The following ACOT7 variants were observed in gnomAD, a reference collection of about 807,000 sequenced individuals.
ACOT7 encodes the protein acyl-CoA thioesterase 7.
A neutral mutation model predicts 40.2 loss-of-function variants in ACOT7; 12 were observed. The observed-to-expected ratio is 0.30, with a 90% CI of 0.19 to 0.48. ACOT7 has a LOEUF of 0.48. ACOT7 is among the 20% of genes least tolerant of loss of function. The pLI, the probability that ACOT7 is intolerant of heterozygous loss-of-function variation, is 0.99. For missense variants in ACOT7, 395 were observed against 530.8 expected (o/e 0.74, Z 2.51); for synonymous variants, 228 against 219.5 (o/e 1.04, Z -0.34).
At chr1:6,279,072 G>A (rs1452668381) in intron 8 of ACOT7, among the ~76,000 whole-genome samples, 1 of 151,746 alleles carries the variant, frequency 6.6e-6, no homozygotes, top group East Asian at 1.9e-4. Flanking sequence ...GGTCCATGGG[G>A]AGAGACCAGA....
At chr1:6,312,793 C>T (rs182273526) in intron 6 of ACOT7, among the ~76,000 whole-genome samples, 1 of 152,284 alleles carries the variant, frequency 6.6e-6, no homozygotes, top group African/African-American at 2.4e-5. Flanking sequence ...TATTGTGTGC[C>T]TGTATCAAAC....
At chr1:6,304,955 T>C (rs1640087785) in intron 6 of ACOT7, among the ~76,000 whole-genome samples, 1 of 147,738 alleles carries the variant, frequency 6.8e-6, no homozygotes, top group Non-Finnish European at 1.5e-5. Context: ...GGCTCCTCAC[T>C]TCCCAGTAGG....
intron 2 of ACOT7, among the ~76,000 whole-genome samples, chr1:6,345,983 G>C (rs1231738282): frequency 6.6e-6 from 1 of 152,216 alleles, no homozygotes; most frequent in African/African-American, 2.4e-5. Flanking sequence ...GAGAAACCAA[G>C]GGCAGAAGTC....
At chr1:6,308,687 G>A (rs1226340752) in intron 6 of ACOT7, among the ~76,000 whole-genome samples, 1 of 152,164 alleles carries the variant, frequency 6.6e-6, no homozygotes, top group East Asian at 1.9e-4. Context: ...ACCACGACCA[G>A]GCAGAGGGAA....
chr1:6,369,398 C>CTTTTTTTT (rs60404741), intron 1 of ACOT7, among the ~76,000 whole-genome samples: 16 of 100,896 alleles, frequency 1.6e-4, no homozygotes, highest in South Asian at 6.7e-4. Context: ...AAATGCATTT[C>CTTTTTTTT]TTTTTTTTTT....
Position 6,359,870 on chromosome 1 carries a change from T to C in ACOT7, c.144-10004A>G, listed in dbSNP as rs1020436727. ...CCGGCCTCTGGGCAAGTTTCACATG[T>C]TTAGTTGTGAAAGAGAAAGTTAGGG... On this transcript the variant is annotated intron_variant, in intron 1 of 8. Transcript: ENST00000361521. The surrounding 1 kb of genome is among the most constrained non-coding windows in gnomAD (Gnocchi z 4.1). 6.6e-6 allele frequency among the ~76,000 whole-genome samples: 1 copy of C among 152,118 alleles called. No homozygotes were observed. The highest frequency in any genetic ancestry group is 1.5e-5 in the Non-Finnish European group (1 of 68,016).
rs1198970812 is a variant in ACOT7, at chr1:6,275,463, T to G, written c.1014+5639A>C. Reference sequence around the variant, plus strand: ...ATGGCCACAGCTAGGCCAGGCGCGGTAGCTCACGCCTGTAATCCTAGCACT... The same window carrying G: ...ATGGCCACAGCTAGGCCAGGCGCGGGAGCTCACGCCTGTAATCCTAGCACT... On this transcript the variant is annotated intron_variant, in intron 8 of 8. Transcript: ENST00000361521. The surrounding 1 kb of genome is among the most constrained non-coding windows in gnomAD (Gnocchi z 5.6). 1.3e-5 allele frequency among the ~76,000 whole-genome samples: 2 copies of G among 152,128 alleles called. No individual in the cohort carries two copies. Among genetic ancestry groups the G allele is most frequent in the African/African-American group, 4.8e-5 (2 of 41,424 alleles).
chr1:6,389,617 T>TA (rs960529566), intron 1 of ACOT7, among the ~76,000 whole-genome samples: 2 of 151,708 alleles, frequency 1.3e-5, no homozygotes, highest in African/African-American at 4.8e-5. Flanking sequence ...CCATCTCTAC[T>TA]AAAAAAATAC....
chr1:6,271,919 T>C (rs1230937494), intron 8 of ACOT7, among the ~76,000 whole-genome samples: 1 of 152,254 alleles, frequency 6.6e-6, no homozygotes, highest in Admixed American at 6.5e-5. Context: ...AGAAAAGGCA[T>C]TGGGACTTGG....
intron 7 of ACOT7, among the ~76,000 whole-genome samples, chr1:6,281,955 C>A (rs1639370767): frequency 6.6e-6 from 1 of 152,172 alleles, no homozygotes; most frequent in Non-Finnish European, 1.5e-5. Context: ...GGATGCCACA[C>A]CCCTTGGCCA....
intron 6 of ACOT7, among the ~76,000 whole-genome samples, chr1:6,317,904 G>C (rs755691057): frequency 9.2e-5 from 14 of 151,846 alleles, no homozygotes; most frequent in Non-Finnish European, 1.3e-4. Flanking sequence ...GCTAATTTTT[G>C]TATTTCTAGT....
intron 8 of ACOT7, among the ~76,000 whole-genome samples, chr1:6,280,806 C>T (rs936316145): frequency 5.9e-5 from 9 of 152,314 alleles, no homozygotes; most frequent in South Asian, 4.1e-4. Flanking sequence ...CATGCTAAGG[C>T]GCTCTTAAAG....
At chr1:6,377,044 G>A (rs1460746669) in intron 1 of ACOT7, among the ~76,000 whole-genome samples, 1 of 152,106 alleles carries the variant, frequency 6.6e-6, no homozygotes, top group Admixed American at 6.6e-5. Flanking sequence ...ACCACTACAT[G>A]CCTGTCAGAA....
intron 1 of ACOT7, chr1:6,385,739 C>A (rs1049391703): frequency 6.5e-7 from 1 of 1,529,124 alleles, no homozygotes; most frequent in East Asian, 2.4e-5. Flanking sequence ...CTGTGTCTGC[C>A]TGGCCGGCTC....
At position 6,370,812 on chromosome 1, in the gene ACOT7, AT is replaced by A. The variant is rs529638495; in HGVS notation, c.144-20947del. 1.9e-3 allele frequency among the ~76,000 whole-genome samples: 258 copies of A among 139,246 alleles called. 1 individual carries two copies. Among genetic ancestry groups the A allele is most frequent in the African/African-American group, 5.2e-3 (200 of 38,752 alleles). The allele number at this position is 139,246 out of a possible 152,430, so 91.4% of individuals were successfully genotyped here. On this transcript the variant is annotated intron_variant, in intron 1 of 8. Transcript: ENST00000361521. ...ACAGCCAATGATTAGTATTATTTTGATTTTTTTTTTTCTTTTGAGACAGAGT... is the reference window on the plus strand; with the variant it reads ...ACAGCCAATGATTAGTATTATTTTGATTTTTTTTTTCTTTTGAGACAGAGT...
At chr1:6,328,653 G>C (rs564812996) in intron 4 of ACOT7, among the ~76,000 whole-genome samples, 1 of 152,270 alleles carries the variant, frequency 6.6e-6, no homozygotes, top group South Asian at 2.1e-4. Context: ...CTGCACTCCA[G>C]CCTGGGCGAC....
intron 6 of ACOT7, among the ~76,000 whole-genome samples, chr1:6,318,103 T>C (rs559014716): frequency 6.6e-6 from 1 of 152,338 alleles, no homozygotes; most frequent in Non-Finnish European, 1.5e-5. Context: ...TTGCCCAGGC[T>C]GAAGTGCAGT....
Position 6,306,171 on chromosome 1 carries a change from A to T in ACOT7, c.713-11191T>A. ...CCAGCTTCGGCTCGGCATCAGAGGG[A>T]GACCGTGGCAAGAGAGGGAGAGGGA... On this transcript the variant is annotated intron_variant, in intron 6 of 8. Transcript: ENST00000361521. The surrounding 1 kb of genome is among the most constrained non-coding windows in gnomAD (Gnocchi z 4.3). 1.2e-6 allele frequency: 1 copy of T among 863,194 alleles called. No homozygotes were observed. 53.5% of individuals were successfully genotyped at this position (863,194 alleles called of 1,614,324 possible). A position where few individuals can be genotyped will look rare whatever the true frequency, so the allele number is the denominator to read the frequency against.
At chr1:6,334,619 C>T (rs536939746) in intron 3 of ACOT7, among the ~76,000 whole-genome samples, 6 of 152,364 alleles carry the variant, frequency 3.9e-5, no homozygotes, top group Admixed American at 2.6e-4. Flanking sequence ...TGCCAAGAGA[C>T]GGGCTATAGG....
Sources: gnomAD v4.1 joint callset for allele counts (sites outside exome capture counted in the v4.1 genomes callset) on GRCh38, gnomAD v4.1.1 for gene constraint, Gnocchi (gnomAD v3.1) non-coding constraint, MANE v1.5 for transcripts, NCBI Gene and HGNC (gene_info 2026-07-23, HGNC 2026-07-21) for gene names.